Variants in GPHN observed in about 807,000 individuals in gnomAD.
GPHN encodes the protein gephyrin.
GPHN carries 17 observed loss-of-function variants against 95.5 expected under a neutral mutation model. That is an observed-to-expected ratio of 0.18 (90% CI 0.12 to 0.27). The LOEUF (loss-of-function observed/expected upper bound fraction) is 0.27, where lower values mean the gene tolerates loss of function less well. Among genes scored for constraint, GPHN ranks in the 10% least tolerant of loss-of-function variants. GPHN has a pLI of 1.00. For missense variants in GPHN, 660 were observed against 978.1 expected (o/e 0.67, Z 4.34); for synonymous variants, 320 against 322.5 (o/e 0.99, Z 0.08).
intron 4 of GPHN, among the ~76,000 whole-genome samples, chr14:66,868,569 T>C (rs778113070): frequency 6.6e-6 from 1 of 152,020 alleles, no homozygotes; most frequent in Non-Finnish European, 1.5e-5. Flanking sequence ...AATTTTTGTA[T>C]TTTTAGTAGA....
At chr14:67,481,924 A>T in the GPHN span, among the ~76,000 whole-genome samples, 1 of 152,236 alleles carries the variant, frequency 6.6e-6, no homozygotes, top group Non-Finnish European at 1.5e-5. Context: ...AGGACAGCCC[A>T]GGAACAGAAA....
the GPHN span, among the ~76,000 whole-genome samples, chr14:67,229,880 A>C: frequency 6.6e-6 from 1 of 152,144 alleles, no homozygotes; most frequent in African/African-American, 2.4e-5. Flanking sequence ...CCATCTACCT[A>C]GTCTCTTGGC....
At chr14:67,649,748 T>C in the GPHN span, 2 of 152,220 alleles carry the variant, frequency 1.3e-5, no homozygotes, top group African/African-American at 2.4e-5. Context: ...TCATGTACTA[T>C]AGTGTAATAT....
At chr14:67,211,369 C>A in the GPHN span, among the ~76,000 whole-genome samples, 2 of 152,074 alleles carry the variant, frequency 1.3e-5, no homozygotes, top group African/African-American at 2.4e-5. Context: ...TGGTTCTGTA[C>A]CACACAGGAT....
At chr14:67,560,095 C>T in the GPHN span, among the ~76,000 whole-genome samples, 1 of 152,164 alleles carries the variant, frequency 6.6e-6, no homozygotes, top group African/African-American at 2.4e-5. Flanking sequence ...GGCGCAATCT[C>T]GGCTTACCGC....
At chr14:66,986,771 T>A (rs2071053440) in intron 9 of GPHN, among the ~76,000 whole-genome samples, 1 of 152,188 alleles carries the variant, frequency 6.6e-6, no homozygotes, top group Non-Finnish European at 1.5e-5. Flanking sequence ...TGAGGCCTAA[T>A]ATTCAATCAT....
chr14:66,645,553 G>T (rs1397431015), intron 1 of GPHN, among the ~76,000 whole-genome samples: 1 of 151,820 alleles, frequency 6.6e-6, no homozygotes, highest in Non-Finnish European at 1.5e-5. Flanking sequence ...TTAGCCAGCC[G>T]TGGTGGTGGG....
chr14:67,448,755 G>A, the GPHN span, among the ~76,000 whole-genome samples: 1 of 152,174 alleles, frequency 6.6e-6, no homozygotes, highest in African/African-American at 2.4e-5. Context: ...CCTGAGTCAG[G>A]ATTCCTGACA....
chr14:67,478,271 C>A, the GPHN span, among the ~76,000 whole-genome samples: 1 of 152,192 alleles, frequency 6.6e-6, no homozygotes, highest in African/African-American at 2.4e-5. Flanking sequence ...GGTTCAAGAC[C>A]CTGGCTAAGC....
Position 67,141,764 on chromosome 14 carries a change from T to C in GPHN, c.1749-1598T>C, listed in dbSNP as rs538870696. On this transcript the variant is annotated intron_variant, in intron 17 of 22. Coordinates refer to ENST00000478722, the MANE Select transcript of GPHN (RefSeq NM_020806.5). ...CTGTGAAGGTTGTGTCTCTGGTAGG[T>C]CTCAAGTTCTGCCTACCTCTGTCAC... is the stretch of plus-strand genomic sequence containing the variant. Among the ~76,000 whole-genome samples the C allele has an allele frequency of 4.6e-5, 7 of 152,328 alleles. No homozygotes were observed. In the East Asian group the frequency reaches 1.4e-3, roughly 29 times the overall value.
At chr14:66,786,746 A>G (rs1365585205) in intron 3 of GPHN, among the ~76,000 whole-genome samples, 1 of 152,088 alleles carries the variant, frequency 6.6e-6, no homozygotes, top group African/African-American at 2.4e-5. Flanking sequence ...AATCTAATCT[A>G]CCATGTCAAC....
At chr14:67,560,931 A>T in the GPHN span, among the ~76,000 whole-genome samples, 2 of 152,024 alleles carry the variant, frequency 1.3e-5, no homozygotes, top group Non-Finnish European at 2.9e-5. Flanking sequence ...GGGTTTCGTT[A>T]TGTTGGCCAG....
chr14:66,570,088 C>T (rs551938008), intron 1 of GPHN, among the ~76,000 whole-genome samples: 1 of 151,676 alleles, frequency 6.6e-6, no homozygotes, highest in Non-Finnish European at 1.5e-5. Context: ...ATGGATGAAT[C>T]TTGAGGATAT....
chr14:67,191,601 C>T, the GPHN span, among the ~76,000 whole-genome samples: 801 of 152,304 alleles, frequency 5.3e-3, 3 homozygotes, highest in African/African-American at 0.018. Context: ...AGGCACCCCA[C>T]CCCTACCACA....
the GPHN span, chr14:67,662,566 A>G: frequency 6.3e-7 from 1 of 1,577,014 alleles, no homozygotes. Context: ...TCAAATGCTT[A>G]TTACTGTTTC....
At chr14:67,690,275 C>T in the GPHN span, 2 of 1,614,112 alleles carry the variant, frequency 1.2e-6, no homozygotes, top group Non-Finnish European at 1.7e-6. Context: ...TGACAGTAGG[C>T]CAGGCCTGCA....
intron 1 of GPHN, among the ~76,000 whole-genome samples, chr14:66,629,181 A>ATATAAATATG (rs1566729387): frequency 9.4e-6 from 1 of 106,926 alleles, no homozygotes; most frequent in African/African-American, 5.6e-5. Flanking sequence ...ATATATATAC[A>ATATAAATATG]TATATAAATA....
intron 8 of GPHN, among the ~76,000 whole-genome samples, chr14:66,955,001 T>G (rs1473646143): frequency 2.0e-5 from 3 of 152,166 alleles, no homozygotes; most frequent in Non-Finnish European, 4.4e-5. Flanking sequence ...TAGTATAATA[T>G]TTGTTGTTTC....
chr14:67,206,105 C>G, the GPHN span, among the ~76,000 whole-genome samples: 2 of 151,366 alleles, frequency 1.3e-5, no homozygotes, highest in African/African-American at 4.9e-5. Context: ...GATTACTTGA[C>G]CCTTGGAGGC....
Sources: gnomAD v4.1 joint callset for allele counts (sites outside exome capture counted in the v4.1 genomes callset) on GRCh38, gnomAD v4.1.1 for gene constraint, MANE v1.5 for transcripts, NCBI Gene and HGNC (gene_info 2026-07-23, HGNC 2026-07-21) for gene names.